The following CAB39L variants were observed in gnomAD, a reference collection of about 807,000 sequenced individuals.
The protein encoded by CAB39L is calcium-binding protein 39-like.
Under a neutral mutation model 39.1 loss-of-function variants are expected in CAB39L, and 23 were observed. That is an observed-to-expected ratio of 0.59 (90% CI 0.42 to 0.83). The LOEUF (loss-of-function observed/expected upper bound fraction) is 0.83, where lower values mean the gene tolerates loss of function less well. CAB39L is among the 40% of genes least tolerant of loss of function. The probability of loss-of-function intolerance (pLI) is 0.00; values close to 1 mark genes in which losing one functional copy is unlikely to be tolerated. For synonymous variants in CAB39L, 126 were observed against 137.2 expected, an observed-to-expected ratio of 0.92 and a Z score of 0.57; for missense variants, 366 against 391.9, an observed-to-expected ratio of 0.93 and a Z score of 0.56.
intron 7 of CAB39L, among the ~76,000 whole-genome samples, chr13:49,346,079 TATATATATATATATATGCTAG>T (rs1955149929): frequency 8.2e-6 from 1 of 121,352 alleles, no homozygotes; most frequent in South Asian, 2.7e-4. Flanking sequence ...ATGCTAGATA[TATATATATATATATATGCTAG>T]ATATATATAT....
intron 10 of CAB39L, among the ~76,000 whole-genome samples, chr13:49,326,149 G>T (rs1954490401): frequency 6.6e-6 from 1 of 152,176 alleles, no homozygotes; most frequent in South Asian, 2.1e-4. Flanking sequence ...GGTTTGGTGG[G>T]AAGGGGCAAC....
chr13:49,382,167 T>C (rs770462875), intron 4 of CAB39L, among the ~76,000 whole-genome samples: 16 of 152,264 alleles, frequency 1.1e-4, no homozygotes, highest in Non-Finnish European at 2.2e-4. Flanking sequence ...AGATTTATAC[T>C]TGCAAAAAAG....
At chr13:49,379,920 C>T (rs1956217075) in intron 4 of CAB39L, among the ~76,000 whole-genome samples, 1 of 151,460 alleles carries the variant, frequency 6.6e-6, no homozygotes. Flanking sequence ...TGGCTCACTG[C>T]AAGCTCCGCC....
intron 1 of CAB39L, among the ~76,000 whole-genome samples, chr13:49,439,604 C>T (rs1411381285): frequency 6.6e-6 from 1 of 152,138 alleles, no homozygotes; most frequent in Non-Finnish European, 1.5e-5. Flanking sequence ...GATATACACC[C>T]AATAATGGGA....
At position 49,407,284 on chromosome 13, in the gene CAB39L, C is replaced by A. The variant is rs61711516; in HGVS notation, c.-31-24343G>T. ...AAATGTGGTAGCTTTGGTAGCTTAA[C>A]TATGCAGAATTCCAAGTTACCTCCT... On this transcript the variant is annotated intron_variant, in intron 3 of 10. Transcript: ENST00000409308. 3.4e-3 allele frequency among the ~76,000 whole-genome samples: 514 copies of A among 152,266 alleles called. 5 individuals carry two copies. Among genetic ancestry groups the A allele is most frequent in the African/African-American group, 0.012 (488 of 41,540 alleles).
intron 5 of CAB39L, among the ~76,000 whole-genome samples, chr13:49,370,219 G>A (rs1955882115): frequency 6.6e-6 from 1 of 152,002 alleles, no homozygotes; most frequent in Non-Finnish European, 1.5e-5. Context: ...GAAAGATATA[G>A]GGAATGAAAC....
intron 8 of CAB39L, among the ~76,000 whole-genome samples, chr13:49,341,976 AT>A (rs1194814825): frequency 2.0e-5 from 3 of 152,222 alleles, no homozygotes; most frequent in Non-Finnish European, 2.9e-5. Context: ...ATCACTTTTG[AT>A]TTTATAATTA....
chr13:49,390,290 C>T (rs1454064129), intron 3 of CAB39L, among the ~76,000 whole-genome samples: 1 of 152,090 alleles, frequency 6.6e-6, no homozygotes, highest in Non-Finnish European at 1.5e-5. Flanking sequence ...GCTCTGTCAC[C>T]TAGGCTGGAG....
At chr13:49,423,931 T>C (rs530461497) in intron 3 of CAB39L, among the ~76,000 whole-genome samples, 9 of 152,342 alleles carry the variant, frequency 5.9e-5, no homozygotes, top group Admixed American at 4.6e-4. Flanking sequence ...TCAATGGCAT[T>C]CTTATTCTTT....
At chr13:49,353,921 T>C (rs550152228) in intron 6 of CAB39L, among the ~76,000 whole-genome samples, 1 of 152,262 alleles carries the variant, frequency 6.6e-6, no homozygotes, top group East Asian at 1.9e-4. Flanking sequence ...GAAGCATGCA[T>C]ATAATGAATT....
chr13:49,331,835 G>A (rs1262954962), intron 10 of CAB39L, 112 bp downstream of exon 10: 10 of 956,534 alleles, frequency 1.0e-5, no homozygotes, highest in Non-Finnish European at 1.6e-5. Context: ...CACAAAGACT[G>A]CCTATTTCAT....
At chr13:49,343,406 A>C (rs965687291) in intron 8 of CAB39L, among the ~76,000 whole-genome samples, 5 of 152,172 alleles carry the variant, frequency 3.3e-5, no homozygotes, top group Non-Finnish European at 7.3e-5. Context: ...GCCACTAAGG[A>C]GGCAGGTCTT....
intron 1 of CAB39L, among the ~76,000 whole-genome samples, chr13:49,443,083 TAAA>T (rs71078845): frequency 1.7e-5 from 2 of 116,528 alleles, no homozygotes. Flanking sequence ...ACAACAATGC[TAAA>T]AAAAAAAAAA....
chr13:49,309,664 C>T lies in CAB39L; in HGVS notation c.*1150G>A, dbSNP rs561286470. 2 of 152,300 alleles carry T rather than the reference C, an allele frequency of 1.3e-5. No homozygotes were observed. The highest frequency in any genetic ancestry group is 2.9e-5 in the Non-Finnish European group (2 of 68,018). The allele number at this position is 152,300 out of a possible 1,614,324, so 9.4% of individuals were successfully genotyped here. ...TTTTTATAAGGAAGAGGAATTAACA[C>T]CTCAATCATCCTAGTCACAAGAGAC... On this transcript the variant is annotated 3_prime_UTR_variant, in exon 11 of 11. Transcript: ENST00000409308.
intron 10 of CAB39L, among the ~76,000 whole-genome samples, chr13:49,323,107 C>T (rs913934273): frequency 2.6e-5 from 4 of 152,206 alleles, no homozygotes; most frequent in East Asian, 1.9e-4. Flanking sequence ...TCTATACCCT[C>T]CTCCAGGTAA....
chr13:49,441,622 A>T (rs894582889), intron 1 of CAB39L, among the ~76,000 whole-genome samples: 2 of 152,180 alleles, frequency 1.3e-5, no homozygotes, highest in African/African-American at 2.4e-5. Flanking sequence ...GCTGGAGTTT[A>T]AAAAAATCTA....
chr13:49,376,237 G>A lies in CAB39L; in HGVS notation c.276+730C>T, dbSNP rs905819208. Among the ~76,000 whole-genome samples, 2 of 152,158 alleles carry A rather than the reference G, an allele frequency of 1.3e-5. 1 individual carries two copies. Among genetic ancestry groups the A allele is most frequent in the South Asian group, 4.1e-4 (2 of 4,832 alleles). On this transcript the variant is annotated intron_variant, in intron 5 of 10. Transcript: ENST00000409308. Reference sequence around the variant, plus strand: ...TACCTACCTGATACGAACAAAATTCGTATTATGATAGAAACAAAGCAACAA... The same window carrying A: ...TACCTACCTGATACGAACAAAATTCATATTATGATAGAAACAAAGCAACAA...
chr13:49,349,751 C>T (rs1291959942), intron 7 of CAB39L, among the ~76,000 whole-genome samples: 1 of 151,946 alleles, frequency 6.6e-6, no homozygotes, highest in Non-Finnish European at 1.5e-5. Context: ...CTTTTGTTTC[C>T]AAAACTTTTA....
chr13:49,372,383 G>A (rs900118499), intron 5 of CAB39L, among the ~76,000 whole-genome samples: 20 of 152,082 alleles, frequency 1.3e-4, no homozygotes, highest in African/African-American at 4.1e-4. Flanking sequence ...GATGATAGCC[G>A]GATCCTCCAG....
Sources: allele counts gnomAD v4.1 joint callset (sites outside exome capture counted in the v4.1 genomes callset), GRCh38; gene constraint gnomAD v4.1.1; transcripts MANE v1.5; gene names NCBI Gene and HGNC (gene_info 2026-07-23, HGNC 2026-07-21).